Variants in RAP1GAP2 observed in about 807,000 individuals in gnomAD.
RAP1GAP2 encodes the protein rap1 GTPase-activating protein 2.
RAP1GAP2 carries 27 observed loss-of-function variants against 95.0 expected under a neutral mutation model. That is an observed-to-expected ratio of 0.28 (90% CI 0.21 to 0.39). The LOEUF (loss-of-function observed/expected upper bound fraction) is 0.39, where lower values mean the gene tolerates loss of function less well. Among genes scored for constraint, RAP1GAP2 ranks in the 10% least tolerant of loss-of-function variants. The pLI, the probability that RAP1GAP2 is intolerant of heterozygous loss-of-function variation, is 1.00. For missense variants in RAP1GAP2, 771 were observed against 970.0 expected (o/e 0.79, Z 2.72); for synonymous variants, 373 against 380.9 (o/e 0.98, Z 0.24).
chr17:2,844,413 T>C (rs1289191488), intron 2 of RAP1GAP2, among the ~76,000 whole-genome samples: 2 of 152,116 alleles, frequency 1.3e-5, no homozygotes, highest in Non-Finnish European at 2.9e-5. Context: ...GGGAGTTGCT[T>C]ACACGAAAGA....
chr17:2,860,599 T>TC (rs2072342222), intron 2 of RAP1GAP2, among the ~76,000 whole-genome samples: 2 of 93,374 alleles, frequency 2.1e-5, no homozygotes, highest in African/African-American at 1.0e-4. Flanking sequence ...TTTATCTTTT[T>TC]TTTTTTTTTT....
chr17:2,935,367 T>A (rs1474239381), intron 3 of RAP1GAP2, among the ~76,000 whole-genome samples: 2 of 151,950 alleles, frequency 1.3e-5, no homozygotes, highest in African/African-American at 4.8e-5. Context: ...ATAAGCTGGG[T>A]GTGGTGGCGG....
At chr17:2,816,167 C>T (rs960710907) in intron 2 of RAP1GAP2, among the ~76,000 whole-genome samples, 5 of 151,624 alleles carry the variant, frequency 3.3e-5, no homozygotes, top group African/African-American at 4.8e-5. Context: ...GAGCCGGCTC[C>T]GGGGGCATCC....
intron 2 of RAP1GAP2, among the ~76,000 whole-genome samples, chr17:2,900,777 C>T (rs2042001767): frequency 6.6e-6 from 1 of 152,176 alleles, no homozygotes; most frequent in Non-Finnish European, 1.5e-5. Flanking sequence ...TACTTTATTA[C>T]CCCTATCTTT....
intron 1 of RAP1GAP2, among the ~76,000 whole-genome samples, chr17:2,781,676 C>G (rs1181817843): frequency 1.3e-5 from 2 of 148,766 alleles, no homozygotes; most frequent in African/African-American, 5.0e-5. Context: ...GGGCACGTCT[C>G]TGTGTGTGCA....
At chr17:3,018,775 G>A (rs572400008) in intron 18 of RAP1GAP2, among the ~76,000 whole-genome samples, 2 of 152,132 alleles carry the variant, frequency 1.3e-5, no homozygotes, top group South Asian at 4.1e-4. Context: ...TTAAGAGCTG[G>A]GATTTGAGGC....
At position 2,881,443 on chromosome 17, in the gene RAP1GAP2, A is replaced by G. The variant is rs76874952; in HGVS notation, c.81-23841A>G. ...GTGTGGCTTCTTCCACTTAGCCAGC[A>G]TTCATCCACATTGTAGCACGAATCC... On this transcript the variant is annotated intron_variant, in intron 2 of 24. Transcript: ENST00000254695. Among the ~76,000 whole-genome samples the G allele has an allele frequency of 6.8e-3, 1,029 of 152,292 alleles. 14 individuals carry two copies. The highest frequency in any genetic ancestry group is 0.022 in the African/African-American group (917 of 41,550).
At chr17:2,908,487 A>G (rs922687020) in intron 3 of RAP1GAP2, among the ~76,000 whole-genome samples, 8 of 152,088 alleles carry the variant, frequency 5.3e-5, no homozygotes, top group Non-Finnish European at 8.8e-5. Context: ...CTGCTGCAGG[A>G]TCCAGGGGAA....
chr17:2,758,182 T>C (rs796161325), intron 1 of RAP1GAP2, among the ~76,000 whole-genome samples: 12,079 of 70,098 alleles, frequency 0.17, 755 homozygotes, highest in East Asian at 0.36. Context: ...CCCCCCCCCC[T>C]TTTTTTTTTT....
chr17:3,004,833 G>A lies in RAP1GAP2; in HGVS notation c.1201-536G>A, dbSNP rs1423305943. 6.6e-6 allele frequency among the ~76,000 whole-genome samples: 1 copy of A among 152,222 alleles called. No homozygotes were observed. The highest frequency in any genetic ancestry group is 1.5e-5 in the Non-Finnish European group (1 of 68,040). On this transcript the variant is annotated intron_variant, in intron 14 of 24. Transcript: ENST00000254695. The surrounding 1 kb of genome is among the most constrained non-coding windows in gnomAD (Gnocchi z 4.1). ...CAGTCTGTATTTTTAAACACCTGAA[G>A]CAATTTTGAAGCAATTCTGATTTAT... is the stretch of plus-strand genomic sequence containing the variant.
chr17:2,787,320 G>C (rs2068810318), intron 1 of RAP1GAP2, among the ~76,000 whole-genome samples: 1 of 148,788 alleles, frequency 6.7e-6, no homozygotes, highest in African/African-American at 2.5e-5. Flanking sequence ...CTGGAGTGCA[G>C]TGGTCTTTAC....
At chr17:2,877,076 A>G (rs1322842041) in intron 2 of RAP1GAP2, among the ~76,000 whole-genome samples, 6 of 151,326 alleles carry the variant, frequency 4.0e-5, no homozygotes, top group Non-Finnish European at 8.8e-5. Flanking sequence ...TTTAGTAGAG[A>G]CGGGGTTTCT....
chr17:2,766,058 A>G (rs553088691), intron 1 of RAP1GAP2, among the ~76,000 whole-genome samples: 2 of 152,248 alleles, frequency 1.3e-5, no homozygotes, highest in South Asian at 2.1e-4. Context: ...CACCCACTGC[A>G]TTATGTGGAG....
intron 2 of RAP1GAP2, among the ~76,000 whole-genome samples, chr17:2,889,889 A>ATATATATATATATATATATTTTT (rs1408426152): frequency 1.0e-4 from 6 of 57,310 alleles, no homozygotes; most frequent in African/African-American, 7.2e-5. Context: ...ATATATATAT[A>ATATATATATATATATATATTTTT]TTTTTTTTTT....
chr17:2,841,018 G>T (rs2071352548), intron 2 of RAP1GAP2, among the ~76,000 whole-genome samples: 1 of 147,806 alleles, frequency 6.8e-6, no homozygotes, highest in Non-Finnish European at 1.5e-5. Context: ...AGACCGGTGT[G>T]GTGGCTCACG....
chr17:2,932,609 A>C (rs2043189151), intron 3 of RAP1GAP2, among the ~76,000 whole-genome samples: 1 of 142,978 alleles, frequency 7.0e-6, no homozygotes, highest in Non-Finnish European at 1.5e-5. Context: ...AAAAAAGAGG[A>C]GCTCGAGACC....
At chr17:2,971,381 G>A (rs549250729) in intron 8 of RAP1GAP2, among the ~76,000 whole-genome samples, 2 of 152,122 alleles carry the variant, frequency 1.3e-5, no homozygotes, top group Admixed American at 6.5e-5. Context: ...AAACCTATGG[G>A]TTGTATTCAA....
intron 3 of RAP1GAP2, among the ~76,000 whole-genome samples, chr17:2,942,950 G>T (rs2043554593): frequency 6.6e-6 from 1 of 152,012 alleles, no homozygotes; most frequent in Non-Finnish European, 1.5e-5. Context: ...TGTATTTTTA[G>T]TAGAGATGGG....
chr17:2,772,855 C>CTTTCTTTTT (rs1555540245), upstream of RAP1GAP2, among the ~76,000 whole-genome samples: 14 of 126,070 alleles, frequency 1.1e-4, no homozygotes, highest in East Asian at 2.4e-4. Flanking sequence ...TTCTTTCTTT[C>CTTTCTTTTT]TTTTTTTTTT....
Sources: gnomAD v4.1 joint callset for allele counts (sites outside exome capture counted in the v4.1 genomes callset) on GRCh38, gnomAD v4.1.1 for gene constraint, Gnocchi (gnomAD v3.1) non-coding constraint, MANE v1.5 for transcripts, NCBI Gene and HGNC (gene_info 2026-07-23, HGNC 2026-07-21) for gene names.